The following POLH variants were observed in gnomAD, a reference collection of about 807,000 sequenced individuals.
POLH encodes DNA polymerase eta, also known as DNA polymerase eta transcript.
Under a neutral mutation model 73.6 loss-of-function variants are expected in POLH, and 53 were observed. That is an observed-to-expected ratio of 0.72 (90% CI 0.58 to 0.91). The LOEUF (loss-of-function observed/expected upper bound fraction) is 0.91. Ranked by LOEUF, POLH falls within the 40% of genes least tolerant of loss-of-function variation. POLH has a pLI of 0.00. For synonymous variants in POLH, 292 were observed against 308.5 expected (o/e 0.95, Z 0.56); for missense variants, 768 against 865.4 (o/e 0.89, Z 1.41).
chr6:43,583,263 A>G, intron 3 of POLH, 122 bp downstream of exon 3: 4 of 856,632 alleles, frequency 4.7e-6, no homozygotes, highest in South Asian at 3.0e-5. Flanking sequence ...CTTTTTGGTT[A>G]GCCATCTTGT....
rs1418367079 is a variant in POLH at position 43,610,614 on chromosome 6, A to G, written c.1135A>G (p.Ser379Gly). 6.2e-7 allele frequency: 1 copy of G among 1,614,042 alleles called. No homozygotes were observed. Among genetic ancestry groups the G allele is most frequent in the East Asian group, 2.2e-5 (1 of 44,874 alleles). ...SIRVQGDKRLSSLRRCCALTR... is the reference protein window; with the variant it reads ...SIRVQGDKRLGSLRRCCALTR... ...TCGTGTACAAGGAGACAAACGCCTC[A>G]GCAGCCTGCGCCGCTGCTGTGCCCT... Residue 379 changes from serine to glycine, a missense_variant, in exon 10 of 11, where the codon AGC becomes GGC. By Grantham distance (56) the Ser-to-Gly change is moderately conservative. Coordinates refer to ENST00000372236, the MANE Select transcript of POLH (RefSeq NM_006502.3).
Position 43,614,962 on chromosome 6 carries a change from C to A in POLH, c.*405C>A, listed in dbSNP as rs773040068. The A allele has an allele frequency of 5.6e-5, 10 of 179,184 alleles. No individual in the cohort carries two copies. The highest frequency in any genetic ancestry group is 1.1e-4 in the Non-Finnish European group (9 of 84,664). The allele number at this position is 179,184 out of a possible 1,614,324, so 11.1% of individuals were successfully genotyped here. A position where few individuals can be genotyped will look rare whatever the true frequency, so the allele number is the denominator to read the frequency against. On this transcript the variant is annotated 3_prime_UTR_variant, in exon 11 of 11. Coordinates refer to ENST00000372236, the MANE Select transcript of POLH (RefSeq NM_006502.3). ...CTTACAGATTATTGCAGATTAATAACAATGTATTCAAATTATGTAACTCGG... is the reference window on the plus strand; with the variant it reads ...CTTACAGATTATTGCAGATTAATAAAAATGTATTCAAATTATGTAACTCGG...
Position 43,620,118 on chromosome 6 carries a change from C to T in POLH, c.*5561C>T. 2.7e-6 allele frequency: 1 copy of T among 368,460 alleles called. No homozygotes were observed. The highest frequency in any genetic ancestry group is 2.0e-5 in the South Asian group (1 of 50,418). 22.8% of individuals were successfully genotyped at this position (368,460 alleles called of 1,614,324 possible). On this transcript the variant is annotated 3_prime_UTR_variant, in exon 11 of 11. Transcript: ENST00000372236. The stretch of plus-strand genomic sequence containing the variant: ...ACTTGAAAAATATGGGACCAGATTA[C>T]CTTTTGTCTCTAAATTCTACTCTTC...
At chr6:43,609,515 G>T (rs1767656094) in intron 9 of POLH, among the ~76,000 whole-genome samples, 1 of 152,022 alleles carries the variant, frequency 6.6e-6, no homozygotes, top group Non-Finnish European at 1.5e-5. Flanking sequence ...TTATATTTCT[G>T]CCTCTTGACC....
chr6:43,580,917 C>G lies in POLH; in HGVS notation c.-4-1399C>G, dbSNP rs1244059364. 5.2e-5 allele frequency among the ~76,000 whole-genome samples: 7 copies of G among 134,742 alleles called. No individual in the cohort carries two copies. In the East Asian group the frequency reaches 6.8e-4, roughly 13 times the overall value. The allele number at this position is 134,742 out of a possible 152,430, so 88.4% of individuals were successfully genotyped here. A position where few individuals can be genotyped will look rare whatever the true frequency, so the allele number is the denominator to read the frequency against. Reference sequence around the variant, plus strand: ...CTGACCCCCCCACCTCCCTCCCGGACGGCACGGCTGGCCAGGCGGGGGGCT... The same window carrying G: ...CTGACCCCCCCACCTCCCTCCCGGAGGGCACGGCTGGCCAGGCGGGGGGCT... On this transcript the variant is annotated intron_variant, in intron 1 of 10. Coordinates refer to ENST00000372236, the MANE Select transcript of POLH (RefSeq NM_006502.3).
Position 43,614,930 on chromosome 6 carries a change from A to G in POLH, c.*373A>G, listed in dbSNP as rs1366236796. The G allele has an allele frequency of 4.5e-6, 1 of 224,022 alleles. No individual in the cohort carries two copies. Among genetic ancestry groups the G allele is most frequent in the Non-Finnish European group, 8.9e-6 (1 of 112,412 alleles). The allele number at this position is 224,022 out of a possible 1,614,324, so 13.9% of individuals were successfully genotyped here. On this transcript the variant is annotated 3_prime_UTR_variant, in exon 11 of 11. Coordinates refer to ENST00000372236, the MANE Select transcript of POLH (RefSeq NM_006502.3). ...TCACATTCTCATCTGTAAAATGGAGATAATACCTTACAGATTATTGCAGAT... is the reference window on the plus strand; with the variant it reads ...TCACATTCTCATCTGTAAAATGGAGGTAATACCTTACAGATTATTGCAGAT...
At position 43,613,899 on chromosome 6, in the gene POLH, A is replaced by C. The variant is rs947599554; in HGVS notation, c.1484A>C (p.Glu495Ala). Residue 495 changes from glutamate (E) to alanine (A), a missense_variant, in exon 11 of 11, where the codon GAA becomes GCA. Physicochemically the swap from Glu to Ala is moderately radical, Grantham distance 107. Transcript: ENST00000372236. ...GCTGCAGAAAGGCAGAAAGTTAAAG[A>C]AGCTTCGCTTTCATCTCTTACTGCT... ...QKAAERQKVK[E>A]ASLSSLTAPT... is the part of the protein sequence containing the mutation. The C allele has an allele frequency of 2.5e-6, 4 of 1,614,020 alleles. No homozygotes were observed. The African/African-American group carries it at 5.3e-5, about 22-fold the overall frequency.
Position 43,605,322 on chromosome 6 carries a change from A to G in POLH, c.1074+3A>G. On this transcript the variant is annotated splice_donor_region_variant and intron_variant, in intron 9 of 10. Transcript: ENST00000372236. ...GACTGACTAAAGACCGAAATGATGT[A>G]AGATTTTCTTTCTTTATTCCTGGGG... 6.5e-7 allele frequency: 1 copy of G among 1,547,226 alleles called. No homozygotes were observed. The highest frequency in any genetic ancestry group is 8.9e-7 in the Non-Finnish European group (1 of 1,120,192).
At position 43,614,017 on chromosome 6, in the gene POLH, G is replaced by A; in HGVS notation, c.1602G>A (p.Gln534=). The A allele has an allele frequency of 6.2e-7, 1 of 1,614,154 alleles. No individual in the cohort carries two copies. The highest frequency in any genetic ancestry group is 8.5e-7 in the Non-Finnish European group (1 of 1,180,050). ...QSTGTEPFFK[Q]KSLLLKQKQL... ...CAGGAACTGAGCCCTTCTTTAAGCA[G>A]AAAAGTCTGCTTCTAAAGCAGAAAC... Residue 534 remains glutamine (Q), a synonymous_variant, in exon 11 of 11, where the codon CAG becomes CAA. Coordinates refer to ENST00000372236, the MANE Select transcript of POLH (RefSeq NM_006502.3).
At chr6:43,585,641 T>C (rs1398948305) in intron 3 of POLH, among the ~76,000 whole-genome samples, 1 of 149,244 alleles carries the variant, frequency 6.7e-6, no homozygotes, top group Non-Finnish European at 1.5e-5. Context: ...TCTTTTCTTT[T>C]TTTTTTTTTT....
chr6:43,608,492 A>ATC (rs925323468), intron 9 of POLH, among the ~76,000 whole-genome samples: 18 of 152,194 alleles, frequency 1.2e-4, no homozygotes, highest in African/African-American at 3.6e-4. Flanking sequence ...CTTGTTTCTC[A>ATC]TCTCTCTCTA....
intron 10 of POLH, among the ~76,000 whole-genome samples, chr6:43,612,778 A>ACCC (rs752675353): frequency 1.4e-4 from 21 of 151,954 alleles, no homozygotes; most frequent in Admixed American, 3.3e-4. Flanking sequence ...CACAATGAGG[A>ACCC]ACTTTATGAC....
intron 3 of POLH, among the ~76,000 whole-genome samples, chr6:43,586,753 C>A (rs1764866157): frequency 6.6e-6 from 1 of 152,154 alleles, no homozygotes; most frequent in Non-Finnish European, 1.5e-5. Context: ...ACCAAACTCA[C>A]CGTTGACTGA....
Position 43,616,530 on chromosome 6 carries a change from A to C in POLH, c.*1973A>C, listed in dbSNP as rs924225468. ...CTTGAACCTGGAAGGTGGAGGTTGC[A>C]GTGAGTTGAGATCACACCAATGCAC... On this transcript the variant is annotated 3_prime_UTR_variant, in exon 11 of 11. Transcript: ENST00000372236. 1.3e-5 allele frequency among the ~76,000 whole-genome samples: 2 copies of C among 148,978 alleles called. No individual in the cohort carries two copies. The highest frequency in any genetic ancestry group is 5.0e-5 in the African/African-American group (2 of 40,376).
At chr6:43,580,949 CCCA>C (rs1764088630) in intron 1 of POLH, among the ~76,000 whole-genome samples, 1 of 148,556 alleles carries the variant, frequency 6.7e-6, no homozygotes, top group Admixed American at 6.6e-5. Context: ...GGCTGACCCC[CCCA>C]CCTCCCTCCC....
At chr6:43,581,935 G>C (rs1016553537) in intron 1 of POLH, among the ~76,000 whole-genome samples, 2 of 151,638 alleles carry the variant, frequency 1.3e-5, no homozygotes, top group Admixed American at 6.6e-5. Flanking sequence ...CTTAAAAACT[G>C]TTTTTTCCAC....
intron 1 of POLH, among the ~76,000 whole-genome samples, chr6:43,580,993 A>ACCC (rs1200040379): frequency 2.4e-5 from 2 of 82,014 alleles, no homozygotes; most frequent in African/African-American, 4.8e-5. Context: ...CGGGGGGCTG[A>ACCC]CCCCCCCCCA....
At position 43,597,770 on chromosome 6, in the gene POLH, C is replaced by CAG. The variant is rs1766254042; in HGVS notation, c.566_567dup (p.Leu190SerfsTer7). 1 of 1,613,540 alleles carries CAG rather than the reference C, an allele frequency of 6.2e-7. No individual in the cohort carries two copies. The highest frequency in any genetic ancestry group is 1.3e-5 in the African/African-American group (1 of 74,920). ...TGATAACCTCACCTCTCCAGACCTG[C>CAG]AGCTCACCGTGGGAGCAGTGATTGT... On this transcript the variant is annotated frameshift_variant, in exon 5 of 11. Coordinates refer to ENST00000372236, the MANE Select transcript of POLH (RefSeq NM_006502.3). LOFTEE classifies it high-confidence loss of function.
At chr6:43,582,915 A>G (rs1370068982) in intron 2 of POLH, 92 bp from the exon 3 acceptor site, 27 of 1,128,552 alleles carry the variant, frequency 2.4e-5, no homozygotes, top group East Asian at 2.5e-5. Flanking sequence ...AAAAGTTTCT[A>G]ATATGTTTAT....
Sources: gnomAD v4.1 joint callset for allele counts (sites outside exome capture counted in the v4.1 genomes callset) on GRCh38, gnomAD v4.1.1 for gene constraint, MANE v1.5 for transcripts, NCBI Gene and HGNC (gene_info 2026-07-23, HGNC 2026-07-21) for gene names.